TRMT44: variants seen among roughly 807,000 people sequenced by gnomAD.
TRMT44 encodes the protein tRNA methyltransferase 44 homolog.
TRMT44 carries 78 observed loss-of-function variants against 77.3 expected under a neutral mutation model. The observed-to-expected ratio is 1.01, with a 90% CI of 0.84 to 1.22. TRMT44 has a LOEUF of 1.22. Ranked by LOEUF, TRMT44 falls within the 50% of genes most tolerant of loss-of-function variation. The pLI, the probability that TRMT44 is intolerant of heterozygous loss-of-function variation, is 0.00. For synonymous variants in TRMT44, 391 were observed against 383.3 expected (o/e 1.02, Z -0.23); for missense variants, 1,090 against 964.4 (o/e 1.13, Z -1.73).
Position 8,444,610 on chromosome 4 carries a change from C to G in TRMT44, c.620-1866C>G, listed in dbSNP as rs897871355. 6.6e-6 allele frequency among the ~76,000 whole-genome samples: 1 copy of G among 152,216 alleles called. No individual in the cohort carries two copies. The highest frequency in any genetic ancestry group is 1.5e-5 in the Non-Finnish European group (1 of 68,042). On this transcript the variant is annotated intron_variant, in intron 1 of 10. Transcript: ENST00000389737. The surrounding 1 kb of genome is among the most constrained non-coding windows in gnomAD (Gnocchi z 4.0). ...ATGGGGTTTCACCATGTTGGCCAGA[C>G]TGGTCTCCTACTCCTGACCTCACGT... is the stretch of plus-strand genomic sequence containing the variant.
chr4:8,501,794 G>A, the TRMT44 span, among the ~76,000 whole-genome samples: 2 of 152,070 alleles, frequency 1.3e-5, no homozygotes, highest in African/African-American at 2.4e-5. This position sits in a 1 kb window ranked among gnomAD's most constrained non-coding sequence, Gnocchi z 4.4. Context: ...TGCTGCCATC[G>A]GCTGTGAGCT....
At position 8,451,929 on chromosome 4, in the gene TRMT44, C is replaced by A; in HGVS notation, c.955-31C>A. 1 of 1,534,224 alleles carries A rather than the reference C, an allele frequency of 6.5e-7. No homozygotes were observed. Among genetic ancestry groups the A allele is most frequent in the Non-Finnish European group, 8.7e-7 (1 of 1,145,004 alleles). Reference sequence around the variant, plus strand: ...GGGAAATGGTGGTGGGGAAACCGAACAATTTATGTTTGCTCTTGAAACTGT... The same window carrying A: ...GGGAAATGGTGGTGGGGAAACCGAAAAATTTATGTTTGCTCTTGAAACTGT... On this transcript the variant is annotated intron_variant, in intron 3 of 10. Transcript: ENST00000389737. This position sits in a 1 kb window ranked among gnomAD's most constrained non-coding sequence, Gnocchi z 4.1.
At chr4:8,501,996 AG>A in the TRMT44 span, among the ~76,000 whole-genome samples, 1 of 152,222 alleles carries the variant, frequency 6.6e-6, no homozygotes, top group Admixed American at 6.5e-5. This position sits in a 1 kb window ranked among gnomAD's most constrained non-coding sequence, Gnocchi z 4.4. Context: ...CTCTCCCAGG[AG>A]GAGACAGACA....
chr4:8,449,944 CTTTTCTTTTTTTTTTT>C, intron 3 of TRMT44, 56 bp downstream of exon 3: 1 of 376,688 alleles, frequency 2.7e-6, no homozygotes, highest in Non-Finnish European at 3.8e-6. Flanking sequence ...CTTTTCTTTT[CTTTTCTTTTTTTTTTT>C]TTTTTTTTTT....
chr4:8,473,947 C>G (rs1162604301), intron 10 of TRMT44, among the ~76,000 whole-genome samples: 1 of 152,196 alleles, frequency 6.6e-6, no homozygotes, highest in Non-Finnish European at 1.5e-5. Context: ...AGCCTCATCT[C>G]TATCATCAGC....
Position 8,490,407 on chromosome 4 carries a change from G to A in TRMT44, n.3892-2859G>A, listed in dbSNP as rs183177591. On this transcript the variant is annotated intron_variant and non_coding_transcript_variant, in intron 2 of 2. Coordinates refer to the TRMT44 transcript ENST00000511366. ...TTCCTTCTGGTGGATTCGTGGTCTC[G>A]CTGGCTCAGGAGTGAAGCTGCAGAC... Among the ~76,000 whole-genome samples, 211 of 152,022 alleles carry A rather than the reference G, an allele frequency of 1.4e-3. 3 individuals carry two copies. Among genetic ancestry groups the A allele is most frequent in the African/African-American group, 4.8e-3 (201 of 41,446 alleles).
chr4:8,502,014 C>A, the TRMT44 span, among the ~76,000 whole-genome samples: 1 of 152,214 alleles, frequency 6.6e-6, no homozygotes, highest in Admixed American at 6.5e-5. Context: ...GACAACTGGT[C>A]CTCTGAGCAG....
intron 7 of TRMT44, 133 bp downstream of exon 7, chr4:8,464,224 A>C: frequency 1.6e-6 from 1 of 644,608 alleles, no homozygotes. Flanking sequence ...CAATTGTTGA[A>C]ATGTTTGCTT....
chr4:8,499,625 T>C, the TRMT44 span, among the ~76,000 whole-genome samples: 1 of 150,166 alleles, frequency 6.7e-6, no homozygotes, highest in South Asian at 2.1e-4. Flanking sequence ...TTTAGTGTCA[T>C]GCCTCTTTCA....
chr4:8,494,904 TTGTGTTCTGGGAGCACCGTCGTAGG>T (rs1231967910), downstream of TRMT44, among the ~76,000 whole-genome samples: 1 of 152,156 alleles, frequency 6.6e-6, no homozygotes, highest in Non-Finnish European at 1.5e-5. Context: ...GGCTTGGTGA[TTGTGTTCTGGGAGCACCGTCGTAGG>T]TGTGTTCTGT....
the TRMT44 span, among the ~76,000 whole-genome samples, chr4:8,514,978 T>C: frequency 6.6e-6 from 1 of 152,068 alleles, no homozygotes; most frequent in Admixed American, 6.5e-5. Context: ...TTGTTATTAT[T>C]ATCTTGAGAC....
downstream of TRMT44, among the ~76,000 whole-genome samples, chr4:8,480,221 C>G (rs112279117): frequency 0.011 from 1,600 of 152,194 alleles, 30 homozygotes; most frequent in African/African-American, 0.037. Context: ...AGTTTCCGAG[C>G]GGGAGTGGAA....
In TRMT44 at chr4:8,441,190, A is replaced by G; in HGVS notation, c.368A>G (p.Asp123Gly). 1 of 1,534,520 alleles carries G rather than the reference A, an allele frequency of 6.5e-7. No individual in the cohort carries two copies. Residue 123 changes from aspartate (D) to glycine (G), a missense_variant, in exon 1 of 11, where the codon GAC becomes GGC. Transcript: ENST00000389737. The part of the protein sequence containing the change: ...QREAASVPLR[D>G]SGHPGHAEGR... ...GAAGCCGCCTCAGTGCCCCTGAGGG[A>G]CTCCGGGCACCCCGGCCATGCTGAA...
chr4:8,446,559 C>G lies in TRMT44; in HGVS notation c.703C>G (p.Gln235Glu). 1.0e-5 allele frequency: 16 copies of G among 1,536,050 alleles called. No individual in the cohort carries two copies. Among genetic ancestry groups the G allele is most frequent in the Non-Finnish European group, 1.3e-5 (15 of 1,146,712 alleles). The change falls in exon 2 of 11, where the codon CAA (glutamine) becomes GAA (glutamate). Residue 235 changes from glutamine (Q) to glutamate (E), a missense_variant. Transcript: ENST00000389737. The surrounding 1 kb of genome is among the most constrained non-coding windows in gnomAD (Gnocchi z 4.3). ...AAAGGTTAAGATGAGCAATGTGTATCAAATTCAGCTCAGTCATAGCAAAGA... is the reference window on the plus strand; with the variant it reads ...AAAGGTTAAGATGAGCAATGTGTATGAAATTCAGCTCAGTCATAGCAAAGA... ...NLKVKMSNVYQIQLSHSKEEW... is the reference protein window; with the variant it reads ...NLKVKMSNVYEIQLSHSKEEW...
chr4:8,481,681 T>C (rs1413881765), intron 2 of TRMT44, among the ~76,000 whole-genome samples: 1 of 152,246 alleles, frequency 6.6e-6, no homozygotes, highest in Non-Finnish European at 1.5e-5. Context: ...TTTTAAACTT[T>C]TTTGTTAAAA....
downstream of TRMT44, among the ~76,000 whole-genome samples, chr4:8,480,032 C>T (rs937154503): frequency 2.6e-5 from 4 of 152,112 alleles, no homozygotes; most frequent in African/African-American, 9.7e-5. Context: ...AGGCACGTGC[C>T]ACCATGTTGC....
chr4:8,512,853 T>C, the TRMT44 span, among the ~76,000 whole-genome samples: 7 of 152,364 alleles, frequency 4.6e-5, no homozygotes, highest in East Asian at 1.2e-3. Context: ...TTGTGTAAAG[T>C]AGCCTGTGAG....
downstream of TRMT44, among the ~76,000 whole-genome samples, chr4:8,480,065 G>T (rs997934365): frequency 2.0e-5 from 3 of 152,040 alleles, no homozygotes; most frequent in East Asian, 5.8e-4. Flanking sequence ...TGAACTCCTG[G>T]ACTGAAGCGG....
At chr4:8,497,935 G>A (rs7439802), downstream of TRMT44, among the ~76,000 whole-genome samples, 24 of 152,304 alleles carry the variant, frequency 1.6e-4, no homozygotes, top group African/African-American at 5.1e-4. Flanking sequence ...GGGGGGCTGG[G>A]AAAATCCCAG....
Sources: gnomAD v4.1 joint callset for allele counts (sites outside exome capture counted in the v4.1 genomes callset) on GRCh38, gnomAD v4.1.1 for gene constraint, Gnocchi (gnomAD v3.1) non-coding constraint, MANE v1.5 for transcripts, NCBI Gene and HGNC (gene_info 2026-07-23, HGNC 2026-07-21) for gene names.